SNX29: variants seen among roughly 807,000 people sequenced by gnomAD.
SNX29 encodes the protein sorting nexin 29.
A neutral mutation model predicts 102.1 loss-of-function variants in SNX29; 78 were observed. The observed-to-expected ratio is 0.76, with a 90% CI of 0.64 to 0.92. SNX29 has a LOEUF of 0.92. Among genes scored for constraint, SNX29 ranks in the 40% least tolerant of loss-of-function variants. The pLI, the probability that SNX29 is intolerant of heterozygous loss-of-function variation, is 0.00. For missense variants in SNX29, 1,280 were observed against 1,061.7 expected (o/e 1.21, Z -2.86); for synonymous variants, 580 against 414.5 (o/e 1.40, Z -4.85).
chr16:12,116,613 G>T (rs949363108), intron 11 of SNX29, among the ~76,000 whole-genome samples: 1 of 152,208 alleles, frequency 6.6e-6, no homozygotes, highest in African/African-American at 2.4e-5. Flanking sequence ...GGCAGAGGTT[G>T]CAGTGAGCCA....
intron 19 of SNX29, among the ~76,000 whole-genome samples, chr16:12,523,157 G>A (rs1466343767): frequency 6.6e-6 from 1 of 152,158 alleles, no homozygotes; most frequent in Non-Finnish European, 1.5e-5. Context: ...GATGCTAGGT[G>A]GTTTTTCTCG....
At chr16:12,300,557 A>G (rs763853076) in intron 15 of SNX29, among the ~76,000 whole-genome samples, 2 of 152,124 alleles carry the variant, frequency 1.3e-5, no homozygotes, top group South Asian at 2.1e-4. Flanking sequence ...TTTAATTCCT[A>G]TGTAACTGCT....
intron 14 of SNX29, among the ~76,000 whole-genome samples, chr16:12,260,042 C>A (rs999154155): frequency 6.6e-6 from 1 of 152,238 alleles, no homozygotes; most frequent in Non-Finnish European, 1.5e-5. Flanking sequence ...ACAGCTGCCA[C>A]ATTGAGGCTT....
At chr16:11,988,739 G>GT (rs376713867) in intron 1 of SNX29, among the ~76,000 whole-genome samples, 235 of 149,648 alleles carry the variant, frequency 1.6e-3, no homozygotes, top group Admixed American at 2.8e-3. Context: ...CCATGCTAGT[G>GT]TTTTTTTTTT....
chr16:12,008,683 C>G (rs2056540785), intron 3 of SNX29, among the ~76,000 whole-genome samples: 1 of 151,688 alleles, frequency 6.6e-6, no homozygotes, highest in African/African-American at 2.4e-5. Context: ...TCAGAGCCGT[C>G]CTCTGGCCAT....
intron 14 of SNX29, among the ~76,000 whole-genome samples, chr16:12,255,647 TGG>T (rs1465574904): frequency 3.3e-5 from 5 of 152,250 alleles, no homozygotes; most frequent in Non-Finnish European, 7.3e-5. Context: ...TTTGTGTGCC[TGG>T]TTGAGTTCAC....
rs76030230 is a variant in SNX29 at position 12,117,776 on chromosome 16, C to T, written c.1403-8857C>T. Reference sequence around the variant, plus strand: ...ATGGTTAATTTTATGTGATATGAATCGTACCTCAGTACATGATTTTTAAAA... The same window carrying T: ...ATGGTTAATTTTATGTGATATGAATTGTACCTCAGTACATGATTTTTAAAA... On this transcript the variant is annotated intron_variant, in intron 11 of 20. Transcript: ENST00000566228. Among the ~76,000 whole-genome samples the T allele has an allele frequency of 8.5e-3, 1,301 of 152,240 alleles. 17 individuals are homozygous for T. Among genetic ancestry groups the T allele is most frequent in the African/African-American group, 0.03 (1,241 of 41,528 alleles).
At chr16:12,539,884 CTGTT>C (rs1330480641) in intron 20 of SNX29, among the ~76,000 whole-genome samples, 7 of 152,142 alleles carry the variant, frequency 4.6e-5, no homozygotes, top group Admixed American at 2.6e-4. Flanking sequence ...AGAAACTAGG[CTGTT>C]TGTGGTTTTA....
chr16:12,523,526 A>G (rs2090178587), intron 19 of SNX29, among the ~76,000 whole-genome samples: 1 of 152,218 alleles, frequency 6.6e-6, no homozygotes, highest in Non-Finnish European at 1.5e-5. Flanking sequence ...GCACAGATAC[A>G]CGGAGCAGGA....
intron 18 of SNX29, among the ~76,000 whole-genome samples, chr16:12,437,727 A>T (rs1400587207): frequency 6.6e-6 from 1 of 151,858 alleles, no homozygotes; most frequent in African/African-American, 2.4e-5. Context: ...ATTTATCTCC[A>T]CCATCTTCCC....
At chr16:12,551,297 A>G (rs1001612275) in intron 20 of SNX29, among the ~76,000 whole-genome samples, 1 of 152,184 alleles carries the variant, frequency 6.6e-6, no homozygotes, top group Non-Finnish European at 1.5e-5. Flanking sequence ...CCAGTTTGTC[A>G]GCCCACCAAA....
chr16:12,302,704 C>G (rs1342623313), intron 15 of SNX29, among the ~76,000 whole-genome samples: 1 of 152,232 alleles, frequency 6.6e-6, no homozygotes, highest in Non-Finnish European at 1.5e-5. Context: ...TGAGGGAACA[C>G]AAACATTCAG....
chr16:12,082,665 T>C (rs1014659577), intron 11 of SNX29, among the ~76,000 whole-genome samples: 5 of 152,216 alleles, frequency 3.3e-5, no homozygotes, highest in Admixed American at 6.5e-5. Flanking sequence ...AATGTCACCA[T>C]GTCTGCATTT....
At chr16:12,310,429 G>A (rs1411130029) in intron 15 of SNX29, among the ~76,000 whole-genome samples, 1 of 151,816 alleles carries the variant, frequency 6.6e-6, no homozygotes, top group South Asian at 2.1e-4. Context: ...CATTGGCAGT[G>A]AAAAGATACA....
At chr16:12,539,825 C>T (rs780675248) in intron 20 of SNX29, among the ~76,000 whole-genome samples, 1 of 152,194 alleles carries the variant, frequency 6.6e-6, no homozygotes, top group Non-Finnish European at 1.5e-5. Context: ...TCCTTTAACA[C>T]ATCCTCTTTG....
At chr16:12,427,854 A>G (rs188399129) in intron 18 of SNX29, among the ~76,000 whole-genome samples, 1 of 152,356 alleles carries the variant, frequency 6.6e-6, no homozygotes, top group Non-Finnish European at 1.5e-5. Flanking sequence ...GGGAGAAAGG[A>G]GAAACCTTCT....
rs978788623 is a variant in SNX29 at position 12,569,878 on chromosome 16, G to A, written c.*1249G>A. 1.3e-5 allele frequency: 3 copies of A among 231,486 alleles called. No homozygotes were observed. Among genetic ancestry groups the A allele is most frequent in the Non-Finnish European group, 2.6e-5 (3 of 116,962 alleles). The allele number at this position is 231,486 out of a possible 1,614,324, so 14.3% of individuals were successfully genotyped here. ...CGTGAAATGGACTATGCAAGAGTAA[G>A]TTTGTGTGTTTCGCCTTAATCTGAG... is the stretch of plus-strand genomic sequence containing the variant. On this transcript the variant is annotated 3_prime_UTR_variant, in exon 21 of 21. Coordinates refer to ENST00000566228, the MANE Select transcript of SNX29 (RefSeq NM_032167.5).
Position 12,127,515 on chromosome 16 carries a change from G to A in SNX29, c.1466+819G>A, listed in dbSNP as rs571099214. ...CTGCTCACTGCAACCTCCACCTCCCGGGCTCAAGTGATCCTCCAGCGTCAG... is the reference window on the plus strand; with the variant it reads ...CTGCTCACTGCAACCTCCACCTCCCAGGCTCAAGTGATCCTCCAGCGTCAG... On this transcript the variant is annotated intron_variant, in intron 12 of 20. Coordinates refer to ENST00000566228, the MANE Select transcript of SNX29 (RefSeq NM_032167.5). Among the ~76,000 whole-genome samples, 5 of 149,770 alleles carry A rather than the reference G, an allele frequency of 3.3e-5. No homozygotes were observed. In the South Asian group the frequency reaches 1.1e-3, roughly 33 times the overall value.
At chr16:12,354,860 A>G (rs996436690) in intron 15 of SNX29, among the ~76,000 whole-genome samples, 1 of 152,196 alleles carries the variant, frequency 6.6e-6, no homozygotes. Flanking sequence ...AGCTGGCAGA[A>G]AGGCTCAGTG....
Sources: allele counts gnomAD v4.1 joint callset (sites outside exome capture counted in the v4.1 genomes callset), GRCh38; gene constraint gnomAD v4.1.1; transcripts MANE v1.5; gene names NCBI Gene and HGNC (gene_info 2026-07-23, HGNC 2026-07-21).